Variants in BRWD1 observed in about 807,000 individuals in gnomAD.
BRWD1 encodes the protein bromodomain and WD repeat domain containing 1.
A neutral mutation model predicts 251.2 loss-of-function variants in BRWD1; 82 were observed. The observed-to-expected ratio is 0.33, with a 90% CI of 0.27 to 0.39. The LOEUF (loss-of-function observed/expected upper bound fraction) is 0.39, where lower values mean the gene tolerates loss of function less well. BRWD1 is among the 10% of genes least tolerant of loss of function. BRWD1 has a pLI of 1.00. For missense variants in BRWD1, 2,233 were observed against 2,711.6 expected (o/e 0.82, Z 3.92); for synonymous variants, 918 against 902.8 (o/e 1.02, Z -0.30).
intron 4 of BRWD1, among the ~76,000 whole-genome samples, chr21:39,307,766 C>T (rs1472410290): frequency 6.6e-6 from 1 of 152,164 alleles, no homozygotes; most frequent in Admixed American, 6.5e-5. Context: ...TTGTATTTCC[C>T]ACAAGTCTTG....
At chr21:39,234,543 C>T (rs2033741588) in intron 23 of BRWD1, among the ~76,000 whole-genome samples, 1 of 152,118 alleles carries the variant, frequency 6.6e-6, no homozygotes, top group African/African-American at 2.4e-5. Context: ...TTTTACTTAA[C>T]CCTTTGTTTA....
intron 5 of BRWD1, chr21:39,297,448 A>T (rs1021821310): frequency 1.3e-5 from 13 of 970,870 alleles, no homozygotes; most frequent in Non-Finnish European, 1.6e-5. Flanking sequence ...ACTGCTCATC[A>T]CAAAACAACG....
intron 4 of BRWD1, 74 bp downstream of exon 4, chr21:39,312,767 C>T: frequency 7.6e-7 from 1 of 1,310,414 alleles, no homozygotes; most frequent in South Asian, 1.3e-5. Context: ...GGGCCGGGGT[C>T]CCCGCGAGGG....
At chr21:39,299,337 A>T (rs1012947316) in intron 4 of BRWD1, among the ~76,000 whole-genome samples, 2 of 152,186 alleles carry the variant, frequency 1.3e-5, no homozygotes, top group African/African-American at 4.8e-5. Context: ...AGATCCTATA[A>T]GACATCATTT....
intron 8 of BRWD1, among the ~76,000 whole-genome samples, chr21:39,292,125 GTGGGGGT>G (rs796808704): frequency 0.05 from 1,171 of 23,496 alleles, 44 homozygotes; most frequent in Middle Eastern, 0.065. Context: ...TGGGGGGTGG[GTGGGGGT>G]GGGGGGGGGG....
At chr21:39,233,757 C>T (rs1417662303) in intron 23 of BRWD1, among the ~76,000 whole-genome samples, 2 of 152,226 alleles carry the variant, frequency 1.3e-5, no homozygotes, top group Admixed American at 6.5e-5. Context: ...CCATGGCTCA[C>T]GCCTGTAATC....
At chr21:39,244,226 G>A (rs1034046179) in intron 21 of BRWD1, among the ~76,000 whole-genome samples, 3 of 151,966 alleles carry the variant, frequency 2.0e-5, no homozygotes, top group African/African-American at 7.2e-5. Context: ...CACCATGCCT[G>A]GCTAATTTTT....
At chr21:39,213,906 TA>T (rs987284468) in intron 32 of BRWD1, among the ~76,000 whole-genome samples, 1 of 148,290 alleles carries the variant, frequency 6.7e-6, no homozygotes, top group Non-Finnish European at 1.5e-5. Flanking sequence ...TGATTTAAGG[TA>T]AAAAAAATAT....
At chr21:39,281,638 T>C (rs944735980) in intron 8 of BRWD1, among the ~76,000 whole-genome samples, 2 of 152,204 alleles carry the variant, frequency 1.3e-5, no homozygotes, top group African/African-American at 4.8e-5. Context: ...GAGGCCAGCC[T>C]GGCCAACATG....
chr21:39,279,638 C>CAAAAAAAAAA (rs77282416), intron 9 of BRWD1, among the ~76,000 whole-genome samples: 6 of 66,880 alleles, frequency 9.0e-5, no homozygotes, highest in African/African-American at 2.5e-4. Flanking sequence ...GACTCCATCT[C>CAAAAAAAAAA]AAAAAAAAAA....
chr21:39,300,143 C>T (rs892738051), intron 4 of BRWD1, among the ~76,000 whole-genome samples: 1 of 152,128 alleles, frequency 6.6e-6, no homozygotes, highest in Admixed American at 6.5e-5. Context: ...AATCCTAAGG[C>T]GCCTCAGTTA....
In BRWD1 at chr21:39,190,112, T is replaced by C. The variant is rs1304129195; in HGVS notation, c.*6147A>G. On this transcript the variant is annotated 3_prime_UTR_variant, in exon 41 of 41. Transcript: ENST00000342449. ...CACTTTAAATTATAACTCACAGATATGTGTGTATTCTAAGATGGTATATGT... is the reference window on the plus strand; with the variant it reads ...CACTTTAAATTATAACTCACAGATACGTGTGTATTCTAAGATGGTATATGT... 2 of 985,138 alleles carry C rather than the reference T, an allele frequency of 2.0e-6. No individual in the cohort carries two copies. Among genetic ancestry groups the C allele is most frequent in the East Asian group, 1.1e-4 (1 of 8,832 alleles). 61.0% of individuals were successfully genotyped at this position (985,138 alleles called of 1,614,324 possible).
At position 39,236,581 on chromosome 21, in the gene BRWD1, TAC is replaced by T; in HGVS notation, c.2766+12_2766+13del. ...TCATGATACATGCTATTTTTAAAGA[TAC>T]GTTTTTCTTACCTCCTTCTTAGGCT... On this transcript the variant is annotated intron_variant, in intron 23 of 40. Transcript: ENST00000342449. 1 of 1,561,052 alleles carries T rather than the reference TAC, an allele frequency of 6.4e-7. No homozygotes were observed. The highest frequency in any genetic ancestry group is 2.3e-5 in the East Asian group (1 of 44,242).
rs997180450 is a variant in BRWD1, at chr21:39,224,344, G to A, written c.3382+64C>T. 30 of 931,916 alleles carry A rather than the reference G, an allele frequency of 3.2e-5. No homozygotes were observed. In the Admixed American group the frequency reaches 6.6e-4, roughly 21 times the overall value. The allele number at this position is 931,916 out of a possible 1,614,324, so 57.7% of individuals were successfully genotyped here. A position where few individuals can be genotyped will look rare whatever the true frequency, so the allele number is the denominator to read the frequency against. On this transcript the variant is annotated intron_variant, in intron 29 of 40. Transcript: ENST00000342449. ...TAGAATACAAATATGTTTGTTCCAT[G>A]TGCACTGGCAAATGTACATATTATA...
At chr21:39,185,245 C>A (rs1301107939), downstream of BRWD1, 3 of 129,970 alleles carry the variant, frequency 2.3e-5, no homozygotes, top group Non-Finnish European at 4.7e-5. Flanking sequence ...AACCCCACCA[C>A]AGCAAATTAT....
intron 4 of BRWD1, among the ~76,000 whole-genome samples, chr21:39,302,389 G>T (rs1032962894): frequency 1.3e-5 from 2 of 152,184 alleles, no homozygotes; most frequent in African/African-American, 4.8e-5. Flanking sequence ...TACCAGAAAA[G>T]ATGTATAGGT....
intron 5 of BRWD1, 70 bp downstream of exon 5, chr21:39,298,361 AC>A: frequency 1.4e-6 from 2 of 1,433,224 alleles, no homozygotes. Context: ...CACAATGCTT[AC>A]ATTACTTCAC....
At chr21:39,268,290 A>G (rs969466837) in intron 15 of BRWD1, among the ~76,000 whole-genome samples, 2 of 152,044 alleles carry the variant, frequency 1.3e-5, no homozygotes, top group Non-Finnish European at 2.9e-5. Context: ...AATACAAAAA[A>G]TTAGCTGGAT....
intron 5 of BRWD1, chr21:39,296,819 C>G (rs1199966797): frequency 9.2e-6 from 9 of 973,618 alleles, no homozygotes; most frequent in Non-Finnish European, 1.1e-5. Flanking sequence ...AGAATTATAT[C>G]ATACAATACT....
Sources: allele counts gnomAD v4.1 joint callset (sites outside exome capture counted in the v4.1 genomes callset), GRCh38; gene constraint gnomAD v4.1.1; transcripts MANE v1.5; gene names NCBI Gene and HGNC (gene_info 2026-07-23, HGNC 2026-07-21).